Variants in BABAM2 observed in about 807,000 individuals in gnomAD.
BABAM2 encodes BRISC and BRCA1 A complex member 2, also known as BRISC and BRCA1-A complex member 2.
Under a neutral mutation model 54.7 loss-of-function variants are expected in BABAM2, and 31 were observed. The observed-to-expected ratio is 0.57, with a 90% CI of 0.43 to 0.77. The LOEUF (loss-of-function observed/expected upper bound fraction) is 0.77. Ranked by LOEUF, BABAM2 falls within the 30% of genes least tolerant of loss-of-function variation. BABAM2 has a pLI of 0.00. For missense variants in BABAM2, 364 were observed against 455.8 expected (o/e 0.80, Z 1.83); for synonymous variants, 167 against 162.9 (o/e 1.03, Z -0.19).
chr2:27,967,587 T>G (rs907652241), intron 3 of BABAM2, among the ~76,000 whole-genome samples: 3 of 152,100 alleles, frequency 2.0e-5, no homozygotes, highest in African/African-American at 7.2e-5. Flanking sequence ...AATGTGGAAG[T>G]GACTTTGGAA....
chr2:28,078,799 G>A (rs778522921), intron 6 of BABAM2, among the ~76,000 whole-genome samples: 1 of 152,172 alleles, frequency 6.6e-6, no homozygotes, highest in Non-Finnish European at 1.5e-5. Flanking sequence ...CTGGCATTCA[G>A]AAGAGAAACT....
chr2:27,933,907 C>T (rs1668298507), intron 3 of BABAM2, among the ~76,000 whole-genome samples: 2 of 151,734 alleles, frequency 1.3e-5, no homozygotes, highest in African/African-American at 4.8e-5. Flanking sequence ...ATCTTTTGTC[C>T]TTTTAATAAT....
At chr2:27,913,882 AT>A (rs2148312407) in intron 2 of BABAM2, among the ~76,000 whole-genome samples, 1 of 152,272 alleles carries the variant, frequency 6.6e-6, no homozygotes, top group Admixed American at 6.5e-5. Flanking sequence ...TTTTTCTCTA[AT>A]TGTAACTGAT....
chr2:28,307,181 A>G (rs568962199), intron 11 of BABAM2, among the ~76,000 whole-genome samples: 1 of 146,350 alleles, frequency 6.8e-6, no homozygotes, highest in South Asian at 2.2e-4. Flanking sequence ...TATTTTTTAT[A>G]TTTTTAGTAG....
At chr2:28,207,469 G>A (rs1678989795) in intron 7 of BABAM2, among the ~76,000 whole-genome samples, 1 of 151,986 alleles carries the variant, frequency 6.6e-6, no homozygotes, top group African/African-American at 2.4e-5. Flanking sequence ...GCTGAGGTGG[G>A]AAAATCACCT....
At chr2:28,252,437 G>A (rs571658284) in intron 10 of BABAM2, among the ~76,000 whole-genome samples, 1 of 152,252 alleles carries the variant, frequency 6.6e-6, no homozygotes, top group African/African-American at 2.4e-5. Context: ...TAGGCAAAGT[G>A]GTTTTCATCT....
chr2:27,908,111 T>G (rs1666317096), intron 2 of BABAM2, among the ~76,000 whole-genome samples: 1 of 152,228 alleles, frequency 6.6e-6, no homozygotes, highest in Non-Finnish European at 1.5e-5. Flanking sequence ...TTTCTGTTTT[T>G]AAAAATAATT....
chr2:27,930,107 A>G (rs1042574924), intron 3 of BABAM2, 199 bp downstream of exon 3: 51 of 514,134 alleles, frequency 9.9e-5, no homozygotes, highest in African/African-American at 3.9e-5. Flanking sequence ...GTTGTGGTTA[A>G]ATAGGCATGC....
intron 6 of BABAM2, among the ~76,000 whole-genome samples, chr2:28,122,409 G>GCAAA (rs145367642): frequency 1.3e-5 from 2 of 152,224 alleles, no homozygotes; most frequent in African/African-American, 4.8e-5. Flanking sequence ...TTTAAGGCCA[G>GCAAA]CAAACAAACA....
intron 6 of BABAM2, among the ~76,000 whole-genome samples, chr2:28,104,912 C>T (rs994571120): frequency 1.1e-4 from 16 of 152,004 alleles, no homozygotes; most frequent in Non-Finnish European, 1.9e-4. Flanking sequence ...AGCTGGAAAC[C>T]GTCCTTCTCA....
At chr2:27,901,727 T>C (rs529028327) in intron 2 of BABAM2, among the ~76,000 whole-genome samples, 17 of 152,320 alleles carry the variant, frequency 1.1e-4, no homozygotes, top group African/African-American at 4.1e-4. Context: ...CCACCTTGAT[T>C]GCGCCCAATC....
Position 28,323,117 on chromosome 2 carries a change from CTG to C in BABAM2, c.1089-15327_1089-15326del, listed in dbSNP as rs574770130. On this transcript the variant is annotated intron_variant, in intron 11 of 11. Transcript: ENST00000379624. ...TCTCTCTGCTCTGGGAGTCAAGTGA[CTG>C]TGTGTCCCCTGAGGGCCAGGGCCCT... Among the ~76,000 whole-genome samples the C allele has an allele frequency of 4.6e-5, 7 of 152,322 alleles. No individual in the cohort carries two copies. The South Asian group carries it at 1.4e-3, about 32-fold the overall frequency.
intron 6 of BABAM2, among the ~76,000 whole-genome samples, chr2:28,048,805 A>G (rs1467653472): frequency 6.6e-6 from 1 of 152,222 alleles, no homozygotes; most frequent in Non-Finnish European, 1.5e-5. Flanking sequence ...TACTGAACCA[A>G]AGAAAGATGG....
intron 7 of BABAM2, among the ~76,000 whole-genome samples, chr2:28,171,156 A>G (rs527776945): frequency 1.3e-5 from 2 of 152,148 alleles, no homozygotes; most frequent in South Asian, 2.1e-4. Context: ...ATATCAGTCC[A>G]TATAGATTCA....
At position 28,328,156 on chromosome 2, in the gene BABAM2, C is replaced by A. The variant is rs1690641673; in HGVS notation, c.1089-10294C>A. On this transcript the variant is annotated intron_variant, in intron 11 of 11. Coordinates refer to ENST00000379624, the MANE Select transcript of BABAM2 (RefSeq NM_199191.3). ...GTGAGGATGACCCTTTGACACGAGG[C>A]CCTTTGACACGAGGCGAGTAACCCC... Among the ~76,000 whole-genome samples, 10 of 152,086 alleles carry A rather than the reference C, an allele frequency of 6.6e-5. No homozygotes were observed. In the South Asian group the frequency reaches 2.1e-3, roughly 32 times the overall value.
intron 5 of BABAM2, among the ~76,000 whole-genome samples, chr2:28,031,981 TA>T (rs1309721701): frequency 2.6e-5 from 4 of 152,358 alleles, no homozygotes; most frequent in African/African-American, 7.2e-5. Context: ...AATAAATGGA[TA>T]TTTTTTAATT....
chr2:28,017,733 T>C (rs1218950244), intron 4 of BABAM2, among the ~76,000 whole-genome samples: 1 of 152,244 alleles, frequency 6.6e-6, no homozygotes, highest in African/African-American at 2.4e-5. Flanking sequence ...CCCTATAGAT[T>C]TGGCTTTTGT....
At chr2:28,191,910 A>T (rs555514626) in intron 7 of BABAM2, among the ~76,000 whole-genome samples, 4 of 152,042 alleles carry the variant, frequency 2.6e-5, no homozygotes, top group African/African-American at 9.7e-5. Context: ...TCAAAACTAT[A>T]AAAAAAAGAA....
At chr2:28,207,941 A>G (rs1276481378) in intron 7 of BABAM2, among the ~76,000 whole-genome samples, 1 of 152,190 alleles carries the variant, frequency 6.6e-6, no homozygotes, top group African/African-American at 2.4e-5. Context: ...ACAAATAGAA[A>G]AAAGAGAGAG....
Sources: gnomAD v4.1 joint callset for allele counts (sites outside exome capture counted in the v4.1 genomes callset) on GRCh38, gnomAD v4.1.1 for gene constraint, MANE v1.5 for transcripts, NCBI Gene and HGNC (gene_info 2026-07-23, HGNC 2026-07-21) for gene names.